CLIP1: variants seen among roughly 807,000 people sequenced by gnomAD.
The protein encoded by CLIP1 is CAP-Gly domain containing linker protein 1, also known as CAP-Gly domain-containing linker protein 1.
In CLIP1, 66 loss-of-function variants were observed where a neutral mutation model predicts 161.6. The ratio of observed to expected loss-of-function variants is 0.41; its 90% CI spans 0.33 to 0.50. The LOEUF (loss-of-function observed/expected upper bound fraction) is 0.50, where lower values mean the gene tolerates loss of function less well. Among genes scored for constraint, CLIP1 ranks in the 20% least tolerant of loss-of-function variants. CLIP1 has a pLI of 0.27. For missense variants in CLIP1, 1,376 were observed against 1,702.0 expected (o/e 0.81, Z 3.37); for synonymous variants, 598 against 626.2 (o/e 0.96, Z 0.67).
chr12:122,276,677 G>A lies in CLIP1; in HGVS notation c.3966+1477C>T, dbSNP rs202120207. On this transcript the variant is annotated intron_variant, in intron 24 of 25. Coordinates refer to ENST00000620786, the MANE Select transcript of CLIP1 (RefSeq NM_001247997.2). ...TATTTAAATATAAAATGTGGCTTTT[G>A]TACTTTTGAATTTTGAACATGACTA... is the stretch of plus-strand genomic sequence containing the variant. 14 of 317,530 alleles carry A rather than the reference G, an allele frequency of 4.4e-5. No homozygotes were observed. In the East Asian group the frequency reaches 9.4e-4, roughly 21 times the overall value. 19.7% of individuals were successfully genotyped at this position (317,530 alleles called of 1,614,324 possible).
intron 20 of CLIP1, among the ~76,000 whole-genome samples, chr12:122,302,163 C>T (rs574241522): frequency 2.6e-4 from 39 of 152,300 alleles, no homozygotes; most frequent in African/African-American, 8.9e-4. Context: ...TGTAATGGCG[C>T]TATCTCAGCT....
At chr12:122,362,334 C>T (rs1220338110) in intron 4 of CLIP1, among the ~76,000 whole-genome samples, 2 of 150,786 alleles carry the variant, frequency 1.3e-5, no homozygotes, top group African/African-American at 4.9e-5. Flanking sequence ...AAATGGCTAA[C>T]ATACAGGAAA....
intron 1 of CLIP1, chr12:122,400,999 C>G (rs559135826): frequency 6.6e-6 from 1 of 151,928 alleles, no homozygotes; most frequent in East Asian, 1.9e-4. Context: ...GCAACCTCCG[C>G]CTCTCGGGTT....
Position 122,377,613 on chromosome 12 carries a change from C to T in CLIP1, c.433G>A (p.Ala145Thr), listed in dbSNP as rs752164276. The change falls in exon 3 of 26, where the codon GCT becomes ACT. Residue 145 changes from alanine (A) to threonine (T), a missense_variant. By Grantham distance (58) the Ala-to-Thr change is moderately conservative. Around this residue, in one of 6 missense-constraint regions of CLIP1, gnomAD observed 119 missense variants for 112.0 expected, o/e 1.06. Transcript: ENST00000620786. ...GTAGAAGTGCACAGCGGTGAAGTAG[C>T]TCGGGAGGCGGGCGTTGTCTGCAGG... ...NGLQTTPASR[A>T]TSPLCTSTAS... The T allele has an allele frequency of 1.2e-6, 2 of 1,613,886 alleles. No individual in the cohort carries two copies. Among genetic ancestry groups the T allele is most frequent in the Non-Finnish European group, 8.5e-7 (1 of 1,179,996 alleles).
At chr12:122,312,405 G>T (rs921772484) in intron 19 of CLIP1, among the ~76,000 whole-genome samples, 5 of 152,320 alleles carry the variant, frequency 3.3e-5, no homozygotes, top group Admixed American at 1.3e-4. Context: ...CACAGGAAAA[G>T]AACAGTTACA....
At chr12:122,276,405 C>CGT (rs1555253509) in intron 24 of CLIP1, 1 of 1,287,786 alleles carries the variant, frequency 7.8e-7, no homozygotes, top group African/African-American at 1.5e-5. Flanking sequence ...CACACACACA[C>CGT]GTGTGCACGC....
intron 1 of CLIP1, among the ~76,000 whole-genome samples, chr12:122,385,151 T>C (rs931747791): frequency 6.6e-6 from 1 of 152,068 alleles, no homozygotes; most frequent in Non-Finnish European, 1.5e-5. Context: ...CAGGATGGTC[T>C]CAATCTCTTG....
chr12:122,359,989 T>G (rs1257350642), intron 5 of CLIP1, among the ~76,000 whole-genome samples: 2 of 152,166 alleles, frequency 1.3e-5, no homozygotes, highest in Non-Finnish European at 2.9e-5. Flanking sequence ...ATAAACAGAA[T>G]GAGGTGTTGC....
intron 21 of CLIP1, among the ~76,000 whole-genome samples, chr12:122,288,102 G>A (rs953518389): frequency 6.6e-6 from 1 of 151,434 alleles, no homozygotes; most frequent in Non-Finnish European, 1.5e-5. Flanking sequence ...GCGCGATCTC[G>A]GCTCACTGCA....
intron 1 of CLIP1, among the ~76,000 whole-genome samples, chr12:122,402,267 C>T (rs569282680): frequency 1.3e-5 from 2 of 152,226 alleles, no homozygotes; most frequent in Non-Finnish European, 2.9e-5. Context: ...GTGGAAGGAT[C>T]ACTTGAGTTC....
intron 20 of CLIP1, among the ~76,000 whole-genome samples, chr12:122,296,794 C>G (rs977347910): frequency 4.8e-4 from 68 of 143,084 alleles, no homozygotes; most frequent in African/African-American, 1.7e-3. Context: ...AGCCTTATAG[C>G]TGGAGGTTTC....
At chr12:122,360,843 T>C in intron 5 of CLIP1, 116 bp downstream of exon 5, 1 of 814,420 alleles carries the variant, frequency 1.2e-6, no homozygotes. Flanking sequence ...GCAAAAGCTG[T>C]GAGCAACATT....
chr12:122,403,668 G>A (rs549997112), intron 1 of CLIP1, among the ~76,000 whole-genome samples: 2 of 151,736 alleles, frequency 1.3e-5, no homozygotes, highest in South Asian at 2.1e-4. Flanking sequence ...ACAGGCACCC[G>A]TCACCACACC....
chr12:122,294,443 A>T (rs1206357284), intron 20 of CLIP1, among the ~76,000 whole-genome samples: 1 of 151,942 alleles, frequency 6.6e-6, no homozygotes, highest in African/African-American at 2.4e-5. Flanking sequence ...ACATGGATAG[A>T]CCTCCAAAGG....
intron 1 of CLIP1, among the ~76,000 whole-genome samples, chr12:122,411,699 C>T (rs764360338): frequency 2.0e-5 from 3 of 152,158 alleles, no homozygotes; most frequent in Non-Finnish European, 4.4e-5. Flanking sequence ...TCTGTAGAGA[C>T]GAGAGTAGAT....
intron 20 of CLIP1, among the ~76,000 whole-genome samples, chr12:122,294,135 T>G (rs1473544638): frequency 1.3e-5 from 2 of 150,992 alleles, no homozygotes; most frequent in African/African-American, 2.4e-5. Context: ...CAGACCATCC[T>G]GACTAACATG....
intron 1 of CLIP1, among the ~76,000 whole-genome samples, chr12:122,383,237 T>C (rs1278026691): frequency 6.6e-6 from 1 of 152,226 alleles, no homozygotes; most frequent in Non-Finnish European, 1.5e-5. Flanking sequence ...GAAAACCTTT[T>C]ACGGTGACAA....
intron 19 of CLIP1, among the ~76,000 whole-genome samples, 159 bp downstream of exon 19, chr12:122,316,590 C>G (rs1951282728): frequency 6.6e-6 from 1 of 152,136 alleles, no homozygotes; most frequent in East Asian, 1.9e-4. Context: ...GTGGCTCTGA[C>G]CTCACGGTGG....
chr12:122,396,414 G>A (rs1955912700), intron 1 of CLIP1, among the ~76,000 whole-genome samples: 1 of 152,126 alleles, frequency 6.6e-6, no homozygotes, highest in African/African-American at 2.4e-5. Flanking sequence ...CACAGAGTAA[G>A]AATTAGTGAC....
Sources: gnomAD v4.1 joint callset for allele counts (sites outside exome capture counted in the v4.1 genomes callset) on GRCh38, gnomAD v4.1.1 for gene constraint, gnomAD v4.1.1 regional missense constraint, MANE v1.5 for transcripts, NCBI Gene and HGNC (gene_info 2026-07-23, HGNC 2026-07-21) for gene names.